The following TRDN variants were observed in gnomAD, a reference collection of about 807,000 sequenced individuals.
TRDN encodes the protein triadin, also known as triadin in skeletal muscle.
TRDN carries 161 observed loss-of-function variants against 149.7 expected under a neutral mutation model. The ratio of observed to expected loss-of-function variants is 1.08; its 90% CI spans 0.95 to 1.23. The LOEUF is 1.23. Ranked by LOEUF, TRDN falls within the 50% of genes most tolerant of loss-of-function variation. The probability of loss-of-function intolerance (pLI) is 0.00; values close to 1 mark genes in which losing one functional copy is unlikely to be tolerated. For missense variants in TRDN, 896 were observed against 823.5 expected (o/e 1.09, Z -1.08); for synonymous variants, 294 against 250.5 (o/e 1.17, Z -1.64).
At chr6:123,350,581 T>C in intron 21 of TRDN, 2 of 722,808 alleles carry the variant, frequency 2.8e-6, no homozygotes, top group Non-Finnish European at 3.4e-6. Context: ...TGGGACAATT[T>C]ATAGAATGTC....
At chr6:123,408,288 TG>T (rs1220338995) in intron 12 of TRDN, among the ~76,000 whole-genome samples, 1 of 152,214 alleles carries the variant, frequency 6.6e-6, no homozygotes, top group East Asian at 1.9e-4. Context: ...TCACTATACA[TG>T]GTACTAATTA....
At chr6:123,293,324 G>A (rs867939950) in intron 24 of TRDN, among the ~76,000 whole-genome samples, 12 of 152,226 alleles carry the variant, frequency 7.9e-5, no homozygotes, top group Middle Eastern at 6.8e-3. Context: ...ACTTGGACCT[G>A]AAAAATTGTG....
At chr6:123,634,193 G>A (rs1786167449) in intron 1 of TRDN, among the ~76,000 whole-genome samples, 1 of 151,992 alleles carries the variant, frequency 6.6e-6, no homozygotes, top group Non-Finnish European at 1.5e-5. Context: ...TGTTTTGGGA[G>A]GCAGAGGCAA....
At chr6:123,548,679 C>A (rs1224819951) in intron 2 of TRDN, 67 bp from the exon 3 acceptor site, 5 of 1,208,190 alleles carry the variant, frequency 4.1e-6, no homozygotes, top group Non-Finnish European at 5.3e-6. Flanking sequence ...TTAAGAAAAG[C>A]TGTTTTTACT....
chr6:123,614,907 G>A (rs935941258), intron 1 of TRDN, among the ~76,000 whole-genome samples: 1 of 151,990 alleles, frequency 6.6e-6, no homozygotes, highest in African/African-American at 2.4e-5. Context: ...TGTTTTATAA[G>A]ATATTAATGT....
At chr6:123,229,035 T>C (rs1775495222) in intron 38 of TRDN, among the ~76,000 whole-genome samples, 1 of 151,988 alleles carries the variant, frequency 6.6e-6, no homozygotes, top group Admixed American at 6.6e-5. Context: ...AAGCTACAGT[T>C]ATTTCTAACA....
At chr6:123,471,713 C>G (rs1400025174) in intron 9 of TRDN, 5 of 152,108 alleles carry the variant, frequency 3.3e-5, no homozygotes, top group South Asian at 2.1e-4. Context: ...GAATAGCAGC[C>G]AAATACATAT....
intron 24 of TRDN, among the ~76,000 whole-genome samples, chr6:123,303,373 C>A (rs1778499193): frequency 6.6e-6 from 1 of 151,972 alleles, no homozygotes; most frequent in Non-Finnish European, 1.5e-5. Context: ...TTTTTTTCTG[C>A]CTTAGATATT....
At chr6:123,508,471 C>T (rs989888635) in intron 7 of TRDN, among the ~76,000 whole-genome samples, 3 of 152,168 alleles carry the variant, frequency 2.0e-5, no homozygotes, top group Admixed American at 1.3e-4. Context: ...TCTGCCACAT[C>T]ATCAAACACA....
intron 38 of TRDN, among the ~76,000 whole-genome samples, chr6:123,240,208 G>T (rs1775938774): frequency 6.6e-6 from 1 of 151,838 alleles, no homozygotes; most frequent in Non-Finnish European, 1.5e-5. Context: ...TCAAATATAT[G>T]TTACTTTGTA....
At chr6:123,366,883 T>C (rs551837332) in intron 19 of TRDN, among the ~76,000 whole-genome samples, 1 of 152,330 alleles carries the variant, frequency 6.6e-6, no homozygotes, top group East Asian at 1.9e-4. Flanking sequence ...CTTCTTTGTT[T>C]AGCTTTTAAT....
intron 9 of TRDN, among the ~76,000 whole-genome samples, chr6:123,491,068 T>TG (rs557779623): frequency 1.3e-5 from 2 of 148,240 alleles, no homozygotes; most frequent in African/African-American, 2.5e-5. Context: ...ATGGCACCAC[T>TG]GCACTCCAGC....
At chr6:123,586,680 G>C (rs566835281) in intron 1 of TRDN, among the ~76,000 whole-genome samples, 90 of 152,208 alleles carry the variant, frequency 5.9e-4, no homozygotes, top group Non-Finnish European at 9.1e-4. Context: ...TAGGTTAGAT[G>C]AGAGTTGAAG....
intron 5 of TRDN, among the ~76,000 whole-genome samples, chr6:123,518,726 G>A (rs1264314521): frequency 1.3e-5 from 2 of 152,148 alleles, no homozygotes; most frequent in African/African-American, 4.8e-5. Context: ...TACAGACCCT[G>A]TACTGTATGC....
At chr6:123,240,026 A>G (rs971013328) in intron 38 of TRDN, among the ~76,000 whole-genome samples, 1 of 152,032 alleles carries the variant, frequency 6.6e-6, no homozygotes, top group Admixed American at 6.6e-5. Context: ...ATTTCAGAGT[A>G]TGTTCTACAA....
chr6:123,582,686 G>A (rs1335763356), intron 1 of TRDN, among the ~76,000 whole-genome samples: 2 of 152,136 alleles, frequency 1.3e-5, no homozygotes, highest in Admixed American at 6.5e-5. Context: ...GGATGTGTAC[G>A]TGCAGGTCAC....
chr6:123,575,397 G>A (rs1782801680), intron 1 of TRDN, among the ~76,000 whole-genome samples: 1 of 151,746 alleles, frequency 6.6e-6, no homozygotes, highest in Non-Finnish European at 1.5e-5. Context: ...TAAATGCAAA[G>A]AACAGAGTAT....
At chr6:123,463,775 C>CT (rs1776622752) in intron 10 of TRDN, among the ~76,000 whole-genome samples, 1 of 144,178 alleles carries the variant, frequency 6.9e-6, no homozygotes, top group Non-Finnish European at 1.5e-5. Context: ...TATTTTCTTT[C>CT]TGTTTTTTTT....
At chr6:123,379,259 G>C (rs574136137) in intron 16 of TRDN, among the ~76,000 whole-genome samples, 2 of 152,200 alleles carry the variant, frequency 1.3e-5, no homozygotes, top group South Asian at 4.2e-4. Flanking sequence ...TGTTAGTCAG[G>C]CTTCTAATTA....
Sources: gnomAD v4.1 joint callset for allele counts (sites outside exome capture counted in the v4.1 genomes callset) on GRCh38, gnomAD v4.1.1 for gene constraint, MANE v1.5 for transcripts, NCBI Gene and HGNC (gene_info 2026-07-23, HGNC 2026-07-21) for gene names.